DRC8: variants seen among roughly 807,000 people sequenced by gnomAD.
DRC8 encodes the protein dynein regulatory complex subunit 8.
chr1:244,973,881 G>A, the DRC8 span, among the ~76,000 whole-genome samples: 3 of 152,058 alleles, frequency 2.0e-5, no homozygotes, highest in Admixed American at 6.6e-5. Context: ...GGGCTATTGT[G>A]CTCATAAAAT....
At chr1:245,111,437 G>T in the DRC8 span, among the ~76,000 whole-genome samples, 2 of 152,232 alleles carry the variant, frequency 1.3e-5, no homozygotes, top group Non-Finnish European at 2.9e-5. Context: ...AATATTGACT[G>T]CACAGAGCGA....
At chr1:245,061,291 G>A in the DRC8 span, among the ~76,000 whole-genome samples, 1 of 152,220 alleles carries the variant, frequency 6.6e-6, no homozygotes, top group African/African-American at 2.4e-5. Context: ...ACATACTTGA[G>A]TTTGCTTGCA....
chr1:244,995,670 G>A, the DRC8 span, among the ~76,000 whole-genome samples: 2 of 152,010 alleles, frequency 1.3e-5, no homozygotes, highest in African/African-American at 2.4e-5. Context: ...TTTATTATGC[G>A]CAACTGGAAG....
At chr1:245,016,265 G>A in the DRC8 span, among the ~76,000 whole-genome samples, 3,525 of 152,256 alleles carry the variant, frequency 0.023, 152 homozygotes, top group African/African-American at 0.081. Context: ...ACAGGTGTGA[G>A]CCACCGCACC....
chr1:245,090,684 G>GTT, the DRC8 span, among the ~76,000 whole-genome samples: 4 of 142,270 alleles, frequency 2.8e-5, no homozygotes, highest in East Asian at 2.0e-4. Flanking sequence ...TTCTGTTTAC[G>GTT]TTTTTTTTTT....
chr1:245,047,652 G>A, the DRC8 span, among the ~76,000 whole-genome samples: 4,921 of 92,674 alleles, frequency 0.053, 323 homozygotes, highest in African/African-American at 0.15. Context: ...AAAAAAAAAC[G>A]AAAAAGAAAA....
the DRC8 span, among the ~76,000 whole-genome samples, chr1:245,073,214 T>A: frequency 6.6e-6 from 1 of 152,244 alleles, no homozygotes; most frequent in African/African-American, 2.4e-5. Context: ...TGGTTCACTG[T>A]AACCTCTGCC....
At chr1:245,072,855 T>A in the DRC8 span, among the ~76,000 whole-genome samples, 1 of 152,150 alleles carries the variant, frequency 6.6e-6, no homozygotes, top group South Asian at 2.1e-4. Context: ...CTCCGCACTC[T>A]CTCTTGCTCC....
the DRC8 span, among the ~76,000 whole-genome samples, chr1:245,108,148 T>C: frequency 6.6e-6 from 1 of 152,012 alleles, no homozygotes; most frequent in Non-Finnish European, 1.5e-5. Flanking sequence ...TCACCCAGTC[T>C]CTCTTTCCCT....
At chr1:244,976,095 G>A in the DRC8 span, among the ~76,000 whole-genome samples, 5 of 151,516 alleles carry the variant, frequency 3.3e-5, no homozygotes, top group East Asian at 9.7e-4. Flanking sequence ...ATGGTGAAAC[G>A]CTCTCTCTAC....
the DRC8 span, among the ~76,000 whole-genome samples, chr1:244,975,988 G>T: frequency 6.6e-6 from 1 of 152,078 alleles, no homozygotes; most frequent in African/African-American, 2.4e-5. Context: ...ATAAGAGTTG[G>T]CCAGGCGTGG....
the DRC8 span, among the ~76,000 whole-genome samples, chr1:245,000,347 T>C: frequency 1.3e-4 from 20 of 152,196 alleles, no homozygotes; most frequent in Non-Finnish European, 2.5e-4. Context: ...AACTTAAGAA[T>C]TGTTTATTTC....
chr1:245,074,411 G>A, the DRC8 span, among the ~76,000 whole-genome samples: 3 of 152,146 alleles, frequency 2.0e-5, no homozygotes, highest in Non-Finnish European at 4.4e-5. Context: ...AGAGAAACTG[G>A]AACTGGAGAG....
At chr1:245,059,150 C>A in the DRC8 span, among the ~76,000 whole-genome samples, 1 of 152,160 alleles carries the variant, frequency 6.6e-6, no homozygotes, top group East Asian at 1.9e-4. Flanking sequence ...CTTTCTAGAA[C>A]TTTTTTATAT....
chr1:245,082,544 A>G, the DRC8 span, among the ~76,000 whole-genome samples: 12 of 152,178 alleles, frequency 7.9e-5, no homozygotes, highest in Non-Finnish European at 1.8e-4. Context: ...ATTGATGTCC[A>G]AAAAGCTAAT....
the DRC8 span, among the ~76,000 whole-genome samples, chr1:245,118,338 G>A: frequency 2.6e-5 from 4 of 152,196 alleles, no homozygotes; most frequent in African/African-American, 4.8e-5. Context: ...GCTGGGCTTG[G>A]CTGGGGAGGG....
At chr1:245,104,372 C>CGG in the DRC8 span, among the ~76,000 whole-genome samples, 2 of 151,958 alleles carry the variant, frequency 1.3e-5, no homozygotes, top group Non-Finnish European at 2.9e-5. Flanking sequence ...GGTGTGGTGG[C>CGG]GCATGCCTGT....
At chr1:245,057,943 C>T in the DRC8 span, among the ~76,000 whole-genome samples, 4 of 152,204 alleles carry the variant, frequency 2.6e-5, no homozygotes. Flanking sequence ...TGTCCTCCTT[C>T]TCCTCTTCCC....
chr1:245,005,157 G>A, the DRC8 span, among the ~76,000 whole-genome samples: 1 of 151,794 alleles, frequency 6.6e-6, no homozygotes, highest in Non-Finnish European at 1.5e-5. Context: ...TAAAGTGGCT[G>A]GATTATGTTT....
Sources: allele counts gnomAD v4.1 joint callset (sites outside exome capture counted in the v4.1 genomes callset), GRCh38; gene constraint gnomAD v4.1.1; transcripts MANE v1.5; gene names NCBI Gene and HGNC (gene_info 2026-07-23, HGNC 2026-07-21).